QRICH1: variants seen among roughly 807,000 people sequenced by gnomAD.
QRICH1 encodes glutamine rich 1.
A neutral mutation model predicts 87.1 loss-of-function variants in QRICH1; 16 were observed. That is an observed-to-expected ratio of 0.18 (90% CI 0.12 to 0.28). The LOEUF is 0.28. Among genes scored for constraint, QRICH1 ranks in the 10% least tolerant of loss-of-function variants. The pLI, the probability that QRICH1 is intolerant of heterozygous loss-of-function variation, is 1.00. For missense variants in QRICH1, 647 were observed against 951.7 expected (o/e 0.68, Z 4.21); for synonymous variants, 367 against 368.4 (o/e 1.00, Z 0.05).
intron 1 of QRICH1, among the ~76,000 whole-genome samples, chr3:49,081,969 A>G (rs1042304850): frequency 2.6e-5 from 4 of 152,064 alleles, no homozygotes; most frequent in Non-Finnish European, 5.9e-5. Flanking sequence ...CACCATGCCC[A>G]GCTAATTTTT....
intron 2 of QRICH1, among the ~76,000 whole-genome samples, chr3:49,059,001 G>A (rs968449795): frequency 2.2e-5 from 3 of 138,520 alleles, no homozygotes; most frequent in Non-Finnish European, 4.6e-5. Flanking sequence ...TCGCTTTGTC[G>A]CCCAGGCTGG....
chr3:49,034,591 C>T (rs986832669), intron 6 of QRICH1, among the ~76,000 whole-genome samples: 4 of 152,126 alleles, frequency 2.6e-5, no homozygotes, highest in Non-Finnish European at 4.4e-5. Flanking sequence ...GAAATACAGG[C>T]GTGAACCACC....
Position 49,030,554 on chromosome 3 carries a change from C to A in QRICH1, c.2229G>T (p.Gln743His). ...GTCCCATCTGCTCTCTGCTGATAGG[C>A]TGGACTGAGTACCAGATTGGGCTGT... ...APNSPIWYSV[Q>H]PISREQMGQM... The change falls in exon 10 of 10, where the codon CAG becomes CAT. Residue 743 changes from glutamine to histidine, a missense_variant. Gln to His is a conservative substitution (Grantham distance 24). Coordinates refer to ENST00000395443, the MANE Select transcript of QRICH1 (RefSeq NM_198880.3). The A allele has an allele frequency of 1.2e-6, 2 of 1,613,960 alleles. No individual in the cohort carries two copies. Among genetic ancestry groups the A allele is most frequent in the Non-Finnish European group, 1.7e-6 (2 of 1,179,918 alleles).
chr3:49,062,705 T>G (rs2106926617), intron 2 of QRICH1, among the ~76,000 whole-genome samples: 1 of 151,232 alleles, frequency 6.6e-6, no homozygotes, highest in African/African-American at 2.4e-5. Flanking sequence ...AAGCTGTTAC[T>G]AAGTATATTT....
chr3:49,076,666 T>C (rs745487440), intron 2 of QRICH1, 43 bp downstream of exon 2: 1 of 1,428,596 alleles, frequency 7.0e-7, no homozygotes, highest in Admixed American at 2.5e-5. Context: ...TGACAACAAA[T>C]AAAGTACATT....
rs747820092 is a variant in QRICH1, at chr3:49,032,771, T to C, written c.1898A>G (p.Tyr633Cys). 3.1e-6 allele frequency: 5 copies of C among 1,602,606 alleles called. No homozygotes were observed. Among genetic ancestry groups the C allele is most frequent in the Non-Finnish European group, 3.4e-6 (4 of 1,176,370 alleles). ...CTGGTCCACTGTCTTCAATAGGAAG[T>C]ACCTGGATCACAAGTAAAATGCAAG... Reference protein sequence around the residue: ...LTTLMFFNTKYFLLKTVDQHM... With the variant: ...LTTLMFFNTKCFLLKTVDQHM... Residue 633 changes from tyrosine to cysteine, a missense_variant and splice_region_variant, in exon 8 of 10, where the codon TAC becomes TGC. By Grantham distance (194) the Tyr-to-Cys change is radical (BLOSUM62 -2). Coordinates refer to ENST00000395443, the MANE Select transcript of QRICH1 (RefSeq NM_198880.3).
intron 1 of QRICH1, among the ~76,000 whole-genome samples, chr3:49,080,909 T>C (rs2042045565): frequency 7.4e-6 from 1 of 135,742 alleles, no homozygotes; most frequent in Non-Finnish European, 1.5e-5. Flanking sequence ...CTTTGACCTC[T>C]AGTTCTTCAT....
chr3:49,077,945 C>T (rs2041982779), intron 1 of QRICH1, among the ~76,000 whole-genome samples: 1 of 152,088 alleles, frequency 6.6e-6, no homozygotes, highest in Non-Finnish European at 1.5e-5. Context: ...TAAGAATTAA[C>T]CTGCAGACGT....
chr3:49,046,792 T>C (rs77137891), intron 4 of QRICH1, among the ~76,000 whole-genome samples: 21 of 152,308 alleles, frequency 1.4e-4, no homozygotes, highest in African/African-American at 5.1e-4. Context: ...CTGGTTCCCA[T>C]TTCCTCCCAG....
intron 1 of QRICH1, among the ~76,000 whole-genome samples, chr3:49,082,371 T>A (rs1444275065): frequency 1.3e-5 from 2 of 152,180 alleles, no homozygotes; most frequent in East Asian, 3.8e-4. Flanking sequence ...AAAGATATGA[T>A]TAAAACAATT....
Position 49,087,818 on chromosome 3 carries a change from C to CAAAAAAAAAAAAAAAAAAAAAAA in QRICH1, c.-22+6093_-22+6094insTTTTTTTTTTTTTTTTTTTTTTT, listed in dbSNP as rs58022360. 2.3e-4 allele frequency among the ~76,000 whole-genome samples: 11 copies of CAAAAAAAAAAAAAAAAAAAAAAA among 47,682 alleles called. 2 individuals are homozygous for CAAAAAAAAAAAAAAAAAAAAAAA. The highest frequency in any genetic ancestry group is 8.1e-4 in the Admixed American group (2 of 2,454). The allele number at this position is 47,682 out of a possible 152,430, so 31.3% of individuals were successfully genotyped here. ...GAACTCAGGAGGCGGAGGTTCATCT[C>CAAAAAAAAAAAAAAAAAAAAAAA]AAAAAAAAAAAAAAAAAAAAAGAAC... On this transcript the variant is annotated intron_variant, in intron 1 of 9. Coordinates refer to ENST00000395443, the MANE Select transcript of QRICH1 (RefSeq NM_198880.3).
At chr3:49,043,807 T>C (rs993384616) in intron 6 of QRICH1, among the ~76,000 whole-genome samples, 14 of 152,190 alleles carry the variant, frequency 9.2e-5, no homozygotes, top group Admixed American at 2.6e-4. Flanking sequence ...CACTCCACCC[T>C]GGGCTATAGA....
chr3:49,079,601 A>T (rs960818035), intron 1 of QRICH1, among the ~76,000 whole-genome samples: 1 of 151,874 alleles, frequency 6.6e-6, no homozygotes, highest in African/African-American at 2.4e-5. Flanking sequence ...GCATCAGGCC[A>T]AGCACACTTT....
At chr3:49,066,485 G>A (rs191282136) in intron 2 of QRICH1, among the ~76,000 whole-genome samples, 3 of 149,542 alleles carry the variant, frequency 2.0e-5, no homozygotes, top group Admixed American at 6.7e-5. Context: ...TTTTGTTGAG[G>A]CAAGAGTCTC....
intron 2 of QRICH1, among the ~76,000 whole-genome samples, chr3:49,075,208 T>C (rs905377670): frequency 2.0e-5 from 3 of 150,724 alleles, no homozygotes; most frequent in Non-Finnish European, 4.4e-5. Flanking sequence ...TACATGCCTG[T>C]GGTCCCAGCT....
intron 3 of QRICH1, among the ~76,000 whole-genome samples, chr3:49,048,682 G>A (rs1353627519): frequency 3.3e-5 from 5 of 150,116 alleles, no homozygotes; most frequent in Non-Finnish European, 7.4e-5. Context: ...CAGCTACTCA[G>A]GAGGCTGAGG....
At chr3:49,062,719 A>T (rs947920902) in intron 2 of QRICH1, among the ~76,000 whole-genome samples, 2 of 150,872 alleles carry the variant, frequency 1.3e-5, no homozygotes, top group East Asian at 2.0e-4. Flanking sequence ...TATATTTTTT[A>T]AAAAAAGGCC....
chr3:49,067,469 G>A (rs2093475107), intron 2 of QRICH1, among the ~76,000 whole-genome samples: 1 of 152,024 alleles, frequency 6.6e-6, no homozygotes, highest in South Asian at 2.1e-4. Flanking sequence ...TTGGGAGGCT[G>A]AGGCAGGAGA....
At chr3:49,093,312 G>A (rs2042314724) in intron 1 of QRICH1, 1 of 152,184 alleles carries the variant, frequency 6.6e-6, no homozygotes, top group Non-Finnish European at 1.5e-5. Context: ...CCCCCTCACA[G>A]AGGAGCGGAA....
Sources: allele counts gnomAD v4.1 joint callset (sites outside exome capture counted in the v4.1 genomes callset), GRCh38; gene constraint gnomAD v4.1.1; transcripts MANE v1.5; gene names NCBI Gene and HGNC (gene_info 2026-07-23, HGNC 2026-07-21).